The following MUSK variants were observed in gnomAD, a reference collection of about 807,000 sequenced individuals.
MUSK encodes the protein muscle, skeletal receptor tyrosine-protein kinase.
MUSK carries 55 observed loss-of-function variants against 88.7 expected under a neutral mutation model. That is an observed-to-expected ratio of 0.62 (90% CI 0.50 to 0.78). The LOEUF is 0.78. Among genes scored for constraint, MUSK ranks in the 30% least tolerant of loss-of-function variants. The pLI, the probability that MUSK is intolerant of heterozygous loss-of-function variation, is 0.00. For synonymous variants in MUSK, 387 were observed against 391.9 expected (o/e 0.99, Z 0.15); for missense variants, 1,015 against 1,074.3 (o/e 0.94, Z 0.77).
intron 9 of MUSK, among the ~76,000 whole-genome samples, chr9:110,772,220 C>T (rs527836158): frequency 6.6e-6 from 1 of 151,534 alleles, no homozygotes; most frequent in Non-Finnish European, 1.5e-5. Flanking sequence ...GCACAAAATA[C>T]ATTTATTAAC....
At chr9:110,694,432 T>C (rs2076405107) in intron 3 of MUSK, among the ~76,000 whole-genome samples, 1 of 145,358 alleles carries the variant, frequency 6.9e-6, no homozygotes, top group Admixed American at 6.9e-5. Flanking sequence ...CAACAGGTCA[T>C]GAAGGCTTTG....
Position 110,800,869 on chromosome 9 carries a change from C to A in MUSK, c.2491C>A (p.Leu831Met). 6.3e-7 allele frequency: 1 copy of A among 1,590,136 alleles called. No homozygotes were observed. The highest frequency in any genetic ancestry group is 8.6e-7 in the Non-Finnish European group (1 of 1,166,454). The change falls in exon 15 of 15, where the codon CTG (leucine) becomes ATG (methionine). Residue 831 changes from leucine to methionine, a missense_variant. Coordinates refer to ENST00000374448, the MANE Select transcript of MUSK (RefSeq NM_005592.4). ...CTGCCCTGAGAACTGCCCCGTGGAG[C>A]TGTACAATCTCATGCGTCTATGTTG... ...LSCPENCPVE[L>M]YNLMRLCWSK...
At chr9:110,789,859 A>T (rs1254619069) in intron 14 of MUSK, among the ~76,000 whole-genome samples, 2 of 152,196 alleles carry the variant, frequency 1.3e-5, no homozygotes, top group Non-Finnish European at 2.9e-5. Context: ...GCATGTGGAT[A>T]TGGAGGCCTA....
intron 14 of MUSK, among the ~76,000 whole-genome samples, chr9:110,799,630 A>G (rs2078061075): frequency 6.6e-6 from 1 of 152,230 alleles, no homozygotes; most frequent in African/African-American, 2.4e-5. Context: ...CTCACCAAAC[A>G]TTATGAGGCA....
At position 110,695,493 on chromosome 9, in the gene MUSK, C is replaced by A; in HGVS notation, c.449C>A (p.Pro150Gln). 6.4e-7 allele frequency: 1 copy of A among 1,567,072 alleles called. No homozygotes were observed. Among genetic ancestry groups the A allele is most frequent in the Non-Finnish European group, 8.7e-7 (1 of 1,152,978 alleles). Residue 150 changes from proline to glutamine, a missense_variant, in exon 4 of 15, where the codon CCA becomes CAA. Pro to Gln is a moderately conservative substitution (Grantham distance 76, BLOSUM62 -1). Coordinates refer to ENST00000374448, the MANE Select transcript of MUSK (RefSeq NM_005592.4). ...TGTACTACAATGGGTAATCCCAAAC[C>A]ATCAGTGTCTTGGATAAAGGGAGAC... The part of the protein sequence containing the change: ...LPCTTMGNPK[P>Q]SVSWIKGDSP...
rs370401461 is a variant in MUSK, at chr9:110,788,111, T to C, written c.1927+273T>C. 7 of 395,970 alleles carry C rather than the reference T, an allele frequency of 1.8e-5. 1 individual carries two copies. Among genetic ancestry groups the C allele is most frequent in the South Asian group, 1.7e-4 (6 of 35,404 alleles). The allele number at this position is 395,970 out of a possible 1,614,324, so 24.5% of individuals were successfully genotyped here. ...TTTAAAATGTCCCCATTGTAAAAAA[T>C]TAATACTGCTTCTCCATCACAAAAT... On this transcript the variant is annotated intron_variant, in intron 14 of 14. Coordinates refer to ENST00000374448, the MANE Select transcript of MUSK (RefSeq NM_005592.4).
In MUSK at chr9:110,801,824, CT is replaced by C. The variant is rs574411760; in HGVS notation, c.*842del. ...TCTTCTTCTTTCCAGGACTTCTGTC[CT>C]TTTTTAGTTATTAAGCTATTTTTTT... On this transcript the variant is annotated 3_prime_UTR_variant, in exon 15 of 15. Coordinates refer to ENST00000374448, the MANE Select transcript of MUSK (RefSeq NM_005592.4). Among the ~76,000 whole-genome samples, 3 of 152,026 alleles carry C rather than the reference CT, an allele frequency of 2.0e-5. No individual in the cohort carries two copies. Among genetic ancestry groups the C allele is most frequent in the Non-Finnish European group, 4.4e-5 (3 of 67,980 alleles).
Position 110,801,123 on chromosome 9 carries a change from C to A in MUSK, c.*135C>A. 1 of 773,384 alleles carries A rather than the reference C, an allele frequency of 1.3e-6. No homozygotes were observed. Among genetic ancestry groups the A allele is most frequent in the Non-Finnish European group, 1.9e-6 (1 of 530,532 alleles). The allele number at this position is 773,384 out of a possible 1,614,324, so 47.9% of individuals were successfully genotyped here. A position where few individuals can be genotyped will look rare whatever the true frequency, so the allele number is the denominator to read the frequency against. On this transcript the variant is annotated 3_prime_UTR_variant, in exon 15 of 15. Coordinates refer to ENST00000374448, the MANE Select transcript of MUSK (RefSeq NM_005592.4). Reference sequence around the variant, plus strand: ...ACATGAGTAGTGTGTTGTTTGCTTCCCAGGGAGAGCAAAGACAGTGCAAAA... The same window carrying A: ...ACATGAGTAGTGTGTTGTTTGCTTCACAGGGAGAGCAAAGACAGTGCAAAA...
At chr9:110,751,561 C>A (rs1587991002) in intron 7 of MUSK, among the ~76,000 whole-genome samples, 1 of 152,174 alleles carries the variant, frequency 6.6e-6, no homozygotes, top group East Asian at 1.9e-4. Flanking sequence ...CTATGAAGAG[C>A]AGTTATCTCT....
intron 6 of MUSK, among the ~76,000 whole-genome samples, chr9:110,739,739 G>A (rs932785479): frequency 3.9e-5 from 6 of 152,064 alleles, no homozygotes; most frequent in African/African-American, 9.7e-5. Flanking sequence ...ATAACTCTCC[G>A]GGTGGTCCCA....
In MUSK at chr9:110,687,190, G is replaced by A. The variant is rs1428062316; in HGVS notation, c.280G>A (p.Asp94Asn). ...CATCCTGAGTGTGGAAGACAGTGAT[G>A]ATGGCATTTACTGCTGCACGGCCAA... is the stretch of plus-strand genomic sequence containing the variant. ...LTILSVEDSDDGIYCCTANNG... is the reference protein window; with the variant it reads ...LTILSVEDSDNGIYCCTANNG... Residue 94 changes from aspartate (D) to asparagine (N), a missense_variant, in exon 3 of 15, where the codon GAT becomes AAT. Physicochemically the swap from Asp to Asn is conservative, Grantham distance 23. Transcript: ENST00000374448. 5.6e-6 allele frequency: 9 copies of A among 1,613,904 alleles called. No individual in the cohort carries two copies. Among genetic ancestry groups the A allele is most frequent in the Non-Finnish European group, 7.6e-6 (9 of 1,179,818 alleles).
At chr9:110,677,228 C>T (rs985818357) in intron 1 of MUSK, among the ~76,000 whole-genome samples, 6 of 152,166 alleles carry the variant, frequency 3.9e-5, no homozygotes, top group African/African-American at 1.4e-4. Context: ...CCTTTCTTCC[C>T]TTTTATTGTT....
chr9:110,785,560 T>C lies in MUSK; in HGVS notation c.1620T>C (p.Pro540=). 1 of 1,612,640 alleles carries C rather than the reference T, an allele frequency of 6.2e-7. No homozygotes were observed. Among genetic ancestry groups the C allele is most frequent in the South Asian group, 1.1e-5 (1 of 90,784 alleles). Residue 540 remains proline (P), a synonymous_variant, in exon 13 of 15, where the codon CCT becomes CCC. Coordinates refer to ENST00000374448, the MANE Select transcript of MUSK (RefSeq NM_005592.4). ...ESAAVTLTTL[P]SELLLDRLHP... is the part of the protein sequence containing the mutation. ...CAGCAGTAACCCTCACCACACTGCC[T>C]TCTGAGCTCTTACTAGATAGACTTC...
At chr9:110,750,780 T>G (rs2077237774) in intron 7 of MUSK, among the ~76,000 whole-genome samples, 1 of 152,338 alleles carries the variant, frequency 6.6e-6, no homozygotes, top group South Asian at 2.1e-4. Context: ...AAGGGATCCC[T>G]GTGGGGTGTT....
At chr9:110,726,392 A>G (rs1385479751) in intron 5 of MUSK, among the ~76,000 whole-genome samples, 1 of 152,082 alleles carries the variant, frequency 6.6e-6, no homozygotes, top group Non-Finnish European at 1.5e-5. Context: ...AAAAATTTCA[A>G]AGGAAAATTA....
chr9:110,756,950 C>G (rs1465556091), intron 7 of MUSK, among the ~76,000 whole-genome samples: 5 of 151,960 alleles, frequency 3.3e-5, no homozygotes, highest in Non-Finnish European at 5.9e-5. Context: ...TGAGGGCATT[C>G]CAACTACTGG....
chr9:110,783,462 G>T (rs995563115), intron 11 of MUSK, among the ~76,000 whole-genome samples: 1 of 151,868 alleles, frequency 6.6e-6, no homozygotes, highest in Non-Finnish European at 1.5e-5. Context: ...GGATTAATAT[G>T]TTCCTATCAT....
intron 3 of MUSK, among the ~76,000 whole-genome samples, chr9:110,691,637 T>C (rs2076357149): frequency 6.6e-6 from 1 of 152,184 alleles, no homozygotes; most frequent in Non-Finnish European, 1.5e-5. Context: ...AATCTTACAA[T>C]GATGTAACCT....
intron 7 of MUSK, among the ~76,000 whole-genome samples, chr9:110,760,687 A>T (rs1039370185): frequency 8.5e-5 from 13 of 152,190 alleles, no homozygotes; most frequent in African/African-American, 3.1e-4. Flanking sequence ...AAGTTTACCT[A>T]CACAACAAAC....
Sources: allele counts gnomAD v4.1 joint callset (sites outside exome capture counted in the v4.1 genomes callset), GRCh38; gene constraint gnomAD v4.1.1; transcripts MANE v1.5; gene names NCBI Gene and HGNC (gene_info 2026-07-23, HGNC 2026-07-21).